Variants in GUCY1A2 observed in about 807,000 individuals in gnomAD.
GUCY1A2 encodes guanylate cyclase 1 soluble subunit alpha 2, also known as guanylate cyclase soluble subunit alpha-2.
A neutral mutation model predicts 63.5 loss-of-function variants in GUCY1A2; 27 were observed. That is an observed-to-expected ratio of 0.43 (90% confidence interval 0.31 to 0.59). The LOEUF (loss-of-function observed/expected upper bound fraction) is 0.59, where lower values mean the gene tolerates loss of function less well. Among genes scored for constraint, GUCY1A2 ranks in the 20% least tolerant of loss-of-function variants. The pLI is 0.11. For missense variants in GUCY1A2, 768 were observed against 913.3 expected, an observed-to-expected ratio of 0.84 and a Z score of 2.05; for synonymous variants, 364 against 343.5, an observed-to-expected ratio of 1.06 and a Z score of -0.66.
At position 106,687,533 on chromosome 11, in the gene GUCY1A2, T is replaced by G; in HGVS notation, c.*16A>C. On this transcript the variant is annotated 3_prime_UTR_variant, in exon 8 of 8. Transcript: ENST00000526355. ...GGCTTGTGCTTTTTGGAGGAGTCTT[T>G]GATCTGTAGCAGGTCTCAGAGGCTT... 2 of 1,597,310 alleles carry G rather than the reference T, an allele frequency of 1.3e-6. No homozygotes were observed. The highest frequency in any genetic ancestry group is 1.7e-6 in the Non-Finnish European group (2 of 1,164,748).
At chr11:106,921,448 G>GT (rs1200135672) in intron 4 of GUCY1A2, among the ~76,000 whole-genome samples, 4 of 151,812 alleles carry the variant, frequency 2.6e-5, no homozygotes, top group Non-Finnish European at 5.9e-5. Flanking sequence ...AACAATTCTA[G>GT]TTTAAAAAAA....
intron 1 of GUCY1A2, among the ~76,000 whole-genome samples, chr11:106,987,809 A>C (rs1156634541): frequency 1.3e-5 from 2 of 152,298 alleles, no homozygotes; most frequent in East Asian, 3.9e-4. Flanking sequence ...GCAATGGTTA[A>C]AGTTAGAGGA....
intron 6 of GUCY1A2, among the ~76,000 whole-genome samples, chr11:106,767,940 C>T (rs541209773): frequency 6.6e-6 from 1 of 151,996 alleles, no homozygotes; most frequent in South Asian, 2.1e-4. Context: ...CAATGACTAC[C>T]CTATGAAATA....
intron 3 of GUCY1A2, among the ~76,000 whole-genome samples, chr11:106,976,098 C>T (rs999437105): frequency 7.2e-5 from 11 of 152,008 alleles, no homozygotes; most frequent in African/African-American, 2.4e-4. Context: ...AGTGAATAAA[C>T]GAACACATTT....
intron 6 of GUCY1A2, among the ~76,000 whole-genome samples, chr11:106,769,333 A>G (rs1461198521): frequency 6.6e-6 from 1 of 152,176 alleles, no homozygotes; most frequent in Non-Finnish European, 1.5e-5. Flanking sequence ...ATGGAACTGC[A>G]AAACACTATA....
At chr11:106,731,480 C>T (rs1863504379) in intron 6 of GUCY1A2, among the ~76,000 whole-genome samples, 1 of 152,018 alleles carries the variant, frequency 6.6e-6, no homozygotes, top group African/African-American at 2.4e-5. Flanking sequence ...CGGAACAAGA[C>T]AAGGATGCCC....
Position 106,900,738 on chromosome 11 carries a change from A to G in GUCY1A2, c.1206+38722T>C, listed in dbSNP as rs547609741. 1.1e-4 allele frequency among the ~76,000 whole-genome samples: 17 copies of G among 152,346 alleles called. No homozygotes were observed. In the South Asian group the frequency reaches 3.3e-3, roughly 30 times the overall value. ...ATTTTTTTGGTTTCCTAGTGCATAT[A>G]CAAATTATGTTTACACTATACTGTA... On this transcript the variant is annotated intron_variant, in intron 4 of 7. Transcript: ENST00000526355.
intron 4 of GUCY1A2, among the ~76,000 whole-genome samples, chr11:106,897,993 A>G (rs999737253): frequency 6.6e-6 from 1 of 152,148 alleles, no homozygotes; most frequent in Non-Finnish European, 1.5e-5. Context: ...AACCCTTAAA[A>G]CTCAATATTA....
rs1422972835 is a variant in GUCY1A2 at position 106,683,868 on chromosome 11, A to G, written c.*3681T>C. 4.9e-6 allele frequency: 1 copy of G among 205,010 alleles called. No individual in the cohort carries two copies. The allele number at this position is 205,010 out of a possible 1,614,324, so 12.7% of individuals were successfully genotyped here. Reference sequence around the variant, plus strand: ...TACCTGATGCCTTACGACTTTAGATACACAATTTCATTCAGCAGCAGTATG... The same window carrying G: ...TACCTGATGCCTTACGACTTTAGATGCACAATTTCATTCAGCAGCAGTATG... On this transcript the variant is annotated 3_prime_UTR_variant, in exon 8 of 8. Coordinates refer to ENST00000526355, the MANE Select transcript of GUCY1A2 (RefSeq NM_000855.3).
intron 6 of GUCY1A2, among the ~76,000 whole-genome samples, chr11:106,754,903 TTGATTGGAATAG>T (rs1396210184): frequency 6.6e-6 from 1 of 152,202 alleles, no homozygotes; most frequent in Non-Finnish European, 1.5e-5. Context: ...TCTTTTTCTA[TTGATTGGAATAG>T]TTTCAGAAGG....
intron 4 of GUCY1A2, among the ~76,000 whole-genome samples, chr11:106,836,932 T>A (rs1251695154): frequency 6.6e-6 from 1 of 151,992 alleles, no homozygotes; most frequent in East Asian, 1.9e-4. Context: ...TTTCAACTTT[T>A]TGCAATATAT....
intron 4 of GUCY1A2, among the ~76,000 whole-genome samples, chr11:106,839,127 G>T (rs1373413922): frequency 3.3e-5 from 5 of 150,786 alleles, no homozygotes; most frequent in South Asian, 4.2e-4. Flanking sequence ...TTTAAGTCTT[G>T]AATCCATCTT....
chr11:106,948,613 A>C (rs1006284273), intron 3 of GUCY1A2, among the ~76,000 whole-genome samples: 4 of 152,198 alleles, frequency 2.6e-5, no homozygotes, highest in Non-Finnish European at 5.9e-5. Flanking sequence ...AAATTTGACA[A>C]GTATGCTTGC....
At chr11:106,754,172 A>T (rs1193616674) in intron 6 of GUCY1A2, among the ~76,000 whole-genome samples, 1 of 152,258 alleles carries the variant, frequency 6.6e-6, no homozygotes, top group Non-Finnish European at 1.5e-5. Context: ...TTATTGGTGT[A>T]TAGGAATGCT....
At chr11:106,975,518 G>A (rs1003096443) in intron 3 of GUCY1A2, among the ~76,000 whole-genome samples, 11 of 152,170 alleles carry the variant, frequency 7.2e-5, no homozygotes, top group African/African-American at 1.9e-4. Flanking sequence ...CCAGCAGGGA[G>A]GGCACTGTCT....
intron 5 of GUCY1A2, among the ~76,000 whole-genome samples, chr11:106,804,635 T>C (rs1347962757): frequency 6.6e-6 from 1 of 152,172 alleles, no homozygotes; most frequent in East Asian, 1.9e-4. Context: ...TAGCTTCCTA[T>C]CAAGTGGCAA....
At chr11:106,709,333 A>AT (rs1565264622) in intron 6 of GUCY1A2, among the ~76,000 whole-genome samples, 2 of 96,462 alleles carry the variant, frequency 2.1e-5, no homozygotes, top group South Asian at 5.4e-4. Flanking sequence ...ATATTATATA[A>AT]ATATATATAA....
intron 1 of GUCY1A2, among the ~76,000 whole-genome samples, chr11:107,015,850 G>A: frequency 6.6e-6 from 1 of 152,286 alleles, no homozygotes; most frequent in South Asian, 2.1e-4. Context: ...GAACAGCAAA[G>A]AGTAGCCAAT....
At chr11:106,950,225 T>C (rs1461794527) in intron 3 of GUCY1A2, among the ~76,000 whole-genome samples, 1 of 152,246 alleles carries the variant, frequency 6.6e-6, no homozygotes, top group Non-Finnish European at 1.5e-5. Flanking sequence ...CACTGTGCTA[T>C]GCCTGCTATC....
Sources: allele counts gnomAD v4.1 joint callset (sites outside exome capture counted in the v4.1 genomes callset), GRCh38; gene constraint gnomAD v4.1.1; transcripts MANE v1.5; gene names NCBI Gene and HGNC (gene_info 2026-07-23, HGNC 2026-07-21).